TAPBPL: variants seen among roughly 807,000 people sequenced by gnomAD.
TAPBPL encodes tapasin-related protein.
A neutral mutation model predicts 44.8 loss-of-function variants in TAPBPL; 32 were observed. The observed-to-expected ratio is 0.71, with a 90% CI of 0.54 to 0.96. TAPBPL has a LOEUF of 0.96. Ranked by LOEUF, TAPBPL falls within the 40% of genes least tolerant of loss-of-function variation. The pLI, the probability that TAPBPL is intolerant of heterozygous loss-of-function variation, is 0.00. For synonymous variants in TAPBPL, 230 were observed against 240.7 expected (o/e 0.96, Z 0.41); for missense variants, 520 against 586.6 (o/e 0.89, Z 1.17).
downstream of TAPBPL, chr12:6,470,512 A>G: frequency 6.2e-7 from 1 of 1,613,994 alleles, no homozygotes; most frequent in Non-Finnish European, 8.5e-7. Context: ...CCGAGCCCCC[A>G]CACCAGAGTC....
At chr12:6,463,063 C>CAAA, downstream of TAPBPL, 1 of 1,539,036 alleles carries the variant, frequency 6.5e-7, no homozygotes, top group Middle Eastern at 2.0e-4. This position sits in a 1 kb window ranked among gnomAD's most constrained non-coding sequence, Gnocchi z 4.0. Context: ...CTGGGCTTAT[C>CAAA]CCACATTAAT....
chr12:6,467,792 G>T (rs965599510), downstream of TAPBPL, among the ~76,000 whole-genome samples: 2 of 152,238 alleles, frequency 1.3e-5, no homozygotes, highest in African/African-American at 4.8e-5. Context: ...TAGGGACTTA[G>T]TGCCCTGTGT....
intron 5 of TAPBPL, among the ~76,000 whole-genome samples, chr12:6,460,051 T>C (rs1012649049): frequency 1.3e-5 from 2 of 151,984 alleles, no homozygotes; most frequent in East Asian, 3.9e-4. Flanking sequence ...ATTACAGATA[T>C]GAGCCACCGC....
At chr12:6,463,543 G>A (rs1949933621), downstream of TAPBPL, 2 of 1,048,448 alleles carry the variant, frequency 1.9e-6, no homozygotes, top group East Asian at 9.2e-5. This position sits in a 1 kb window ranked among gnomAD's most constrained non-coding sequence, Gnocchi z 4.0. Flanking sequence ...AGGGCAAGGA[G>A]TGGCTTCCTC....
At chr12:6,465,464 A>G (rs1949998041), downstream of TAPBPL, 4 of 111,440 alleles carry the variant, frequency 3.6e-5, no homozygotes, top group African/African-American at 1.3e-4. Flanking sequence ...ATGTGTATAT[A>G]TAGTGTGTGT....
Position 6,453,121 on chromosome 12 carries a change from TC to T in TAPBPL, c.121del (p.Leu41TrpfsTer24), listed in dbSNP as rs1491000291. Reference sequence around the variant, plus strand: ...GCAGTGGACGTGGTCCTAGACTGCTTCCTGGCGAAGGACGGTGCGCACCGTG... The same window carrying T: ...GCAGTGGACGTGGTCCTAGACTGCTTCTGGCGAAGGACGGTGCGCACCGTG... ...WRAVDVVLDC[F>X]LAKDGAHRGA... On this transcript the variant is annotated frameshift_variant, in exon 2 of 7. Coordinates refer to ENST00000266556, the MANE Select transcript of TAPBPL (RefSeq NM_018009.5). LOFTEE classifies it high-confidence loss of function. The surrounding 1 kb of genome is among the most constrained non-coding windows in gnomAD (Gnocchi z 4.8). 6.3e-7 allele frequency: 1 copy of T among 1,588,130 alleles called. No homozygotes were observed. Among genetic ancestry groups the T allele is most frequent in the Admixed American group, 1.8e-5 (1 of 54,740 alleles).
chr12:6,458,247 G>A (rs1173090977), intron 4 of TAPBPL, among the ~76,000 whole-genome samples: 3 of 152,192 alleles, frequency 2.0e-5, no homozygotes, highest in East Asian at 3.9e-4. Flanking sequence ...ATGGTGGTGC[G>A]CGCCTGTAGT....
Position 6,462,287 on chromosome 12 carries a change from T to A in TAPBPL, c.*138T>A. The A allele has an allele frequency of 4.7e-6, 3 of 642,454 alleles. No individual in the cohort carries two copies. Among genetic ancestry groups the A allele is most frequent in the Non-Finnish European group, 8.0e-6 (3 of 373,912 alleles). The allele number at this position is 642,454 out of a possible 1,614,324, so 39.8% of individuals were successfully genotyped here. ...TGCCTTTGTTCAGAATACATGACAT[T>A]GGTAAATATGCCACATGCCTTTGGT... On this transcript the variant is annotated 3_prime_UTR_variant, in exon 7 of 7. Coordinates refer to ENST00000266556, the MANE Select transcript of TAPBPL (RefSeq NM_018009.5).
At chr12:6,459,050 G>T in intron 5 of TAPBPL, 103 bp downstream of exon 5, 1 of 1,342,406 alleles carries the variant, frequency 7.4e-7, no homozygotes, top group Non-Finnish European at 1.0e-6. Context: ...CACTTTGTTC[G>T]CAGCCCTGGC....
At chr12:6,464,192 T>C (rs1016046235), downstream of TAPBPL, 1 of 1,464,936 alleles carries the variant, frequency 6.8e-7, no homozygotes, top group Non-Finnish European at 9.1e-7. Flanking sequence ...CTCCAACTCT[T>C]TGGGGCTTTG....
rs1245409639 is a variant in TAPBPL at position 6,453,828 on chromosome 12, G to A, written c.565+112G>A. 1.5e-5 allele frequency: 20 copies of A among 1,347,250 alleles called. No individual in the cohort carries two copies. Among genetic ancestry groups the A allele is most frequent in the Non-Finnish European group, 1.9e-5 (19 of 1,019,894 alleles). 83.5% of individuals were successfully genotyped at this position (1,347,250 alleles called of 1,614,324 possible). A position where few individuals can be genotyped will look rare whatever the true frequency, so the allele number is the denominator to read the frequency against. On this transcript the variant is annotated intron_variant, in intron 3 of 6. Coordinates refer to ENST00000266556, the MANE Select transcript of TAPBPL (RefSeq NM_018009.5). The surrounding 1 kb of genome is among the most constrained non-coding windows in gnomAD (Gnocchi z 4.8). ...AGGTCAGGAGTTTGAGATCAGCCTG[G>A]TCAACACGGTGAAACCCCGTCTCTA... is the stretch of plus-strand genomic sequence containing the variant.
downstream of TAPBPL, chr12:6,462,709 C>A (rs536497006): frequency 9.5e-7 from 1 of 1,055,270 alleles, no homozygotes; most frequent in South Asian, 1.6e-5. Flanking sequence ...TGGGACACAT[C>A]GAGGACAGTG....
At chr12:6,458,531 G>A (rs1949759807) in intron 4 of TAPBPL, 114 bp from the exon 5 acceptor site, 1 of 1,308,560 alleles carries the variant, frequency 7.6e-7, no homozygotes, top group Admixed American at 2.1e-5. Flanking sequence ...CACCACCAAG[G>A]GACACTGTAG....
chr12:6,457,603 C>T lies in TAPBPL; in HGVS notation c.763C>T (p.Leu255=), dbSNP rs1949733070. ...QGQAVRKGAT[L]EPAQLGMARD... Reference sequence around the variant, plus strand: ...GCAGGCTGTGCGGAAGGGCGCTACCCTGGAGCCTGCACAACTGGGCATGGC... The same window carrying T: ...GCAGGCTGTGCGGAAGGGCGCTACCTTGGAGCCTGCACAACTGGGCATGGC... The change falls in exon 4 of 7, where the codon CTG becomes TTG. Residue 255 remains leucine, a synonymous_variant. Coordinates refer to ENST00000266556, the MANE Select transcript of TAPBPL (RefSeq NM_018009.5). 2 of 1,614,090 alleles carry T rather than the reference C, an allele frequency of 1.2e-6. No homozygotes were observed. Among genetic ancestry groups the T allele is most frequent in the Non-Finnish European group, 8.5e-7 (1 of 1,180,042 alleles).
chr12:6,458,537 T>C lies in TAPBPL; in HGVS notation c.905-108T>C, dbSNP rs1949760120. 2.2e-6 allele frequency: 3 copies of C among 1,374,772 alleles called. No homozygotes were observed. In the Admixed American group the frequency reaches 6.0e-5, roughly 27 times the overall value. The allele number at this position is 1,374,772 out of a possible 1,614,324, so 85.2% of individuals were successfully genotyped here. On this transcript the variant is annotated intron_variant, in intron 4 of 6. Coordinates refer to ENST00000266556, the MANE Select transcript of TAPBPL (RefSeq NM_018009.5). Reference sequence around the variant, plus strand: ...GCCTTGGTACACCACCAAGGGACACTGTAGCCTCCACAATCTACTCTCATC... The same window carrying C: ...GCCTTGGTACACCACCAAGGGACACCGTAGCCTCCACAATCTACTCTCATC...
downstream of TAPBPL, chr12:6,464,550 T>C (rs2534716): frequency 0.31 from 452,275 of 1,465,846 alleles, 70,526 homozygotes; most frequent in South Asian, 0.35. Flanking sequence ...AACAAGAGGG[T>C]GAATTACACC....
chr12:6,471,148 A>G (rs12426815), downstream of TAPBPL, among the ~76,000 whole-genome samples: 43,513 of 152,084 alleles, frequency 0.29, 7,198 homozygotes, highest in African/African-American at 0.47. The surrounding 1 kb of genome is among the most constrained non-coding windows in gnomAD (Gnocchi z 4.0). Flanking sequence ...CCCCGCCTCT[A>G]ACTAACGCTC....
intron 3 of TAPBPL, among the ~76,000 whole-genome samples, chr12:6,454,424 C>T (rs528292416): frequency 3.3e-5 from 5 of 152,258 alleles, no homozygotes; most frequent in African/African-American, 9.6e-5. Flanking sequence ...GCCGAGATTG[C>T]GCCACTGCAC....
rs552983375 is a variant in TAPBPL at position 6,460,542 on chromosome 12, CAGGCATG to C, written c.1208-310_1208-304del. On this transcript the variant is annotated intron_variant, in intron 5 of 6. Transcript: ENST00000266556. ...TCAGCCTCCCAAAGTTCTGGGATTA[CAGGCATG>C]AGCCACTGTGTCCAGGCAAGTTAAG... Among the ~76,000 whole-genome samples the C allele has an allele frequency of 9.0e-3, 1,370 of 152,340 alleles. 25 individuals carry two copies. Among genetic ancestry groups the C allele is most frequent in the African/African-American group, 0.03 (1,260 of 41,562 alleles).
Sources: gnomAD v4.1 joint callset for allele counts (sites outside exome capture counted in the v4.1 genomes callset) on GRCh38, gnomAD v4.1.1 for gene constraint, Gnocchi (gnomAD v3.1) non-coding constraint, MANE v1.5 for transcripts, NCBI Gene and HGNC (gene_info 2026-07-23, HGNC 2026-07-21) for gene names.